Variants in CENPQ observed in about 807,000 individuals in gnomAD.
CENPQ encodes the protein centromere protein Q.
In CENPQ, 27 loss-of-function variants were observed where a neutral mutation model predicts 36.6. That is an observed-to-expected ratio of 0.74 (90% CI 0.54 to 1.02). The LOEUF is 1.02. Among genes scored for constraint, CENPQ ranks in the 50% least tolerant of loss-of-function variants. The pLI is 0.00. For synonymous variants in CENPQ, 101 were observed against 101.7 expected (o/e 0.99, Z 0.04); for missense variants, 306 against 301.8 (o/e 1.01, Z -0.10).
chr6:49,486,745 A>T (rs545557326), intron 6 of CENPQ, among the ~76,000 whole-genome samples: 2 of 152,176 alleles, frequency 1.3e-5, no homozygotes. Context: ...GTATCTTTAA[A>T]TCCTTTAGAG....
intron 5 of CENPQ, among the ~76,000 whole-genome samples, chr6:49,478,059 C>T (rs1768345494): frequency 6.6e-6 from 1 of 152,158 alleles, no homozygotes; most frequent in Non-Finnish European, 1.5e-5. Context: ...CATTTCAAGG[C>T]CTGACTATTT....
At chr6:49,472,015 A>G (rs765811621) in intron 3 of CENPQ, 48 bp from the exon 4 acceptor site, 17 of 1,523,242 alleles carry the variant, frequency 1.1e-5, no homozygotes, top group South Asian at 2.6e-5. Flanking sequence ...AAGCAAAAAC[A>G]TGTAAAACAT....
At chr6:49,474,107 A>C (rs1561965952) in intron 5 of CENPQ, among the ~76,000 whole-genome samples, 1 of 152,192 alleles carries the variant, frequency 6.6e-6, no homozygotes, top group Non-Finnish European at 1.5e-5. Context: ...TAGACAGACC[A>C]ATGAGACAGA....
intron 5 of CENPQ, among the ~76,000 whole-genome samples, chr6:49,479,963 T>C (rs1224752853): frequency 6.6e-6 from 1 of 152,110 alleles, no homozygotes; most frequent in Non-Finnish European, 1.5e-5. Flanking sequence ...CAGGGCCTAC[T>C]TGCGGGAGGA....
At chr6:49,488,496 G>A (rs766491181) in intron 7 of CENPQ, 25 bp downstream of exon 7, 2 of 1,604,310 alleles carry the variant, frequency 1.2e-6, no homozygotes, top group East Asian at 2.2e-5. Flanking sequence ...CTGTATTATT[G>A]GAATTTGGAT....
chr6:49,470,571 G>A (rs192771009), intron 2 of CENPQ, among the ~76,000 whole-genome samples: 4 of 145,264 alleles, frequency 2.8e-5, no homozygotes, highest in South Asian at 2.2e-4. Flanking sequence ...GCAGTGAACC[G>A]AGTTTGTGCC....
At chr6:49,488,779 C>A in intron 8 of CENPQ, 95 bp downstream of exon 8, 1 of 924,644 alleles carries the variant, frequency 1.1e-6, no homozygotes, top group Non-Finnish European at 1.8e-6. Flanking sequence ...ACTGCAATAA[C>A]GCAAGTCACA....
In CENPQ at chr6:49,491,691, G is replaced by A. The variant is rs536162392; in HGVS notation, c.676-453G>A. On this transcript the variant is annotated intron_variant, in intron 8 of 8. Transcript: ENST00000335783. ...AGCACTTTGGGAGGCCAAGGCAGGC[G>A]GATTGCCTGAGGTCAGGAGTTCGAG... Among the ~76,000 whole-genome samples the A allele has an allele frequency of 9.9e-5, 15 of 152,250 alleles. No homozygotes were observed. The South Asian group carries it at 2.1e-3, about 21-fold the overall frequency.
intron 8 of CENPQ, among the ~76,000 whole-genome samples, chr6:49,489,377 C>T (rs915548762): frequency 2.0e-5 from 3 of 152,196 alleles, no homozygotes; most frequent in African/African-American, 7.2e-5. Flanking sequence ...TGCAGCAATT[C>T]AGGTACATCT....
intron 8 of CENPQ, among the ~76,000 whole-genome samples, chr6:49,490,181 T>C (rs1768687024): frequency 6.6e-6 from 1 of 152,242 alleles, no homozygotes; most frequent in Non-Finnish European, 1.5e-5. Flanking sequence ...ATTGAAAATA[T>C]GTTGTTTACT....
chr6:49,472,134 T>A lies in CENPQ; in HGVS notation c.229T>A (p.Ser77Thr). The A allele has an allele frequency of 6.2e-7, 1 of 1,612,826 alleles. No individual in the cohort carries two copies. Among genetic ancestry groups the A allele is most frequent in the Non-Finnish European group, 8.5e-7 (1 of 1,179,304 alleles). ...CAAGAGAAAAACCTGGCAACCTCTG[T>A]CAAAGAGTACCAGAGACCATTTGCA... ...ASKRKTWQPL[S>T]KSTRDHLQTM... The change falls in exon 4 of 9, where the codon TCA (serine) becomes ACA (threonine). Residue 77 changes from serine to threonine, a missense_variant. Ser to Thr is a moderately conservative substitution (Grantham distance 58). Transcript: ENST00000335783.
rs1285403252 is a variant in CENPQ at position 49,487,084 on chromosome 6, C to A, written c.478-1268C>A. 2.0e-5 allele frequency among the ~76,000 whole-genome samples: 3 copies of A among 150,806 alleles called. No homozygotes were observed. In the East Asian group the frequency reaches 5.8e-4, roughly 29 times the overall value. On this transcript the variant is annotated intron_variant, in intron 6 of 8. Coordinates refer to ENST00000335783, the MANE Select transcript of CENPQ (RefSeq NM_018132.4). ...ATGAGAATCACTTGAACCTGGGAGG[C>A]AGAGGTTGCAGTGAGCCAAAATAGT...
chr6:49,480,071 C>T (rs1232414865), intron 5 of CENPQ, among the ~76,000 whole-genome samples: 1 of 152,064 alleles, frequency 6.6e-6, no homozygotes, highest in East Asian at 1.9e-4. Flanking sequence ...GCCTACATAA[C>T]CTGCATATGT....
At chr6:49,474,785 G>GA (rs1216408099) in intron 5 of CENPQ, among the ~76,000 whole-genome samples, 2 of 151,968 alleles carry the variant, frequency 1.3e-5, no homozygotes, top group Non-Finnish European at 2.9e-5. Flanking sequence ...AGAAAAGAGA[G>GA]AAGAATCAAA....
At chr6:49,469,694 C>T (rs1768082003) in intron 1 of CENPQ, among the ~76,000 whole-genome samples, 2 of 152,130 alleles carry the variant, frequency 1.3e-5, no homozygotes. Flanking sequence ...TAAAAAGTGT[C>T]TCCTTCCATT....
rs1230214521 is a variant in CENPQ at position 49,492,434 on chromosome 6, A to T, written c.*159A>T. On this transcript the variant is annotated 3_prime_UTR_variant, in exon 9 of 9. Coordinates refer to ENST00000335783, the MANE Select transcript of CENPQ (RefSeq NM_018132.4). ...TAGTCTTTGTAGTTCTATCATTAGCATCTAATGTAGTTCTGAAGACTGTTT... is the reference window on the plus strand; with the variant it reads ...TAGTCTTTGTAGTTCTATCATTAGCTTCTAATGTAGTTCTGAAGACTGTTT... 1 of 632,316 alleles carries T rather than the reference A, an allele frequency of 1.6e-6. No individual in the cohort carries two copies. The highest frequency in any genetic ancestry group is 3.8e-5 in the Admixed American group (1 of 26,534). The allele number at this position is 632,316 out of a possible 1,614,324, so 39.2% of individuals were successfully genotyped here. A position where few individuals can be genotyped will look rare whatever the true frequency, so the allele number is the denominator to read the frequency against.
intron 1 of CENPQ, among the ~76,000 whole-genome samples, chr6:49,469,359 C>CTA (rs1405719480): frequency 3.3e-5 from 5 of 152,138 alleles, no homozygotes; most frequent in African/African-American, 1.2e-4. Context: ...GCATATATAG[C>CTA]TAATATGTGC....
intron 1 of CENPQ, among the ~76,000 whole-genome samples, chr6:49,464,484 T>C (rs1767949481): frequency 6.6e-6 from 1 of 152,194 alleles, no homozygotes; most frequent in African/African-American, 2.4e-5. Context: ...AGCAGTTGAC[T>C]CTTCCATTCA....
chr6:49,466,526 G>A (rs1380433326), intron 1 of CENPQ, among the ~76,000 whole-genome samples: 1 of 152,128 alleles, frequency 6.6e-6, no homozygotes, highest in Admixed American at 6.5e-5. Flanking sequence ...TCGCTCACTT[G>A]CCTCTTTATA....
Sources: gnomAD v4.1 joint callset for allele counts (sites outside exome capture counted in the v4.1 genomes callset) on GRCh38, gnomAD v4.1.1 for gene constraint, MANE v1.5 for transcripts, NCBI Gene and HGNC (gene_info 2026-07-23, HGNC 2026-07-21) for gene names.